The following SERGEF variants were observed in gnomAD, a reference collection of about 807,000 sequenced individuals.
SERGEF encodes the protein secretion-regulating guanine nucleotide exchange factor.
SERGEF carries 51 observed loss-of-function variants against 50.0 expected under a neutral mutation model. The observed-to-expected ratio is 1.02, with a 90% CI of 0.81 to 1.29. SERGEF has a LOEUF of 1.29. Ranked by LOEUF, SERGEF falls within the 50% of genes most tolerant of loss-of-function variation. SERGEF has a pLI of 0.00. For missense variants in SERGEF, 521 were observed against 557.0 expected (o/e 0.94, Z 0.65); for synonymous variants, 205 against 212.4 (o/e 0.97, Z 0.30).
intron 10 of SERGEF, among the ~76,000 whole-genome samples, chr11:17,865,978 T>C (rs1024626474): frequency 2.0e-5 from 3 of 152,242 alleles, no homozygotes; most frequent in Non-Finnish European, 4.4e-5. Context: ...TCATAGTAAA[T>C]GCCGTATACA....
At chr11:17,999,719 T>G in intron 5 of SERGEF, 1 of 349,810 alleles carries the variant, frequency 2.9e-6, no homozygotes, top group South Asian at 2.2e-5. Context: ...CAAGCTCACT[T>G]AAAGCTTTTA....
chr11:17,974,594 C>G (rs144286844), intron 8 of SERGEF, among the ~76,000 whole-genome samples: 2,137 of 152,270 alleles, frequency 0.014, 31 homozygotes, highest in Non-Finnish European at 0.022. Flanking sequence ...CATAAAAGGG[C>G]TCATGTGGGG....
Position 17,815,706 on chromosome 11 carries a change from G to A in SERGEF, c.1049-27293C>T, listed in dbSNP as rs181406735. On this transcript the variant is annotated intron_variant, in intron 10 of 10. Transcript: ENST00000265965. ...TGGGAGGCCGAGGTGGGTGGATCAC[G>A]AGGTCAAGAGATCGAGACCATCCTG... Among the ~76,000 whole-genome samples the A allele has an allele frequency of 1.2e-3, 184 of 151,850 alleles. 1 individual carries two copies. Among genetic ancestry groups the A allele is most frequent in the African/African-American group, 4.3e-3 (180 of 41,392 alleles).
chr11:17,932,042 A>C (rs1455646853), intron 9 of SERGEF, among the ~76,000 whole-genome samples: 1 of 128,384 alleles, frequency 7.8e-6, no homozygotes. Context: ...ATGTATCTTA[A>C]ATATTGGTGT....
chr11:17,891,200 AG>A (rs1339275918), intron 9 of SERGEF, among the ~76,000 whole-genome samples: 1 of 152,226 alleles, frequency 6.6e-6, no homozygotes, highest in Non-Finnish European at 1.5e-5. Context: ...AGAAACACAT[AG>A]GTTATAATTT....
intron 10 of SERGEF, among the ~76,000 whole-genome samples, chr11:17,848,150 A>G (rs938900605): frequency 6.6e-6 from 1 of 152,202 alleles, no homozygotes; most frequent in African/African-American, 2.4e-5. Flanking sequence ...ACCCTAAGGA[A>G]GGCCCAGTCT....
chr11:17,888,478 A>G lies in SERGEF; in HGVS notation c.1012-10234T>C, dbSNP rs1851470841. The stretch of plus-strand genomic sequence containing the variant: ...GAAAGTATTTTGTATATATTGTGGG[A>G]CCATGCAAATGAGGAAATATATGAA... On this transcript the variant is annotated intron_variant, in intron 9 of 10. Transcript: ENST00000265965. This position sits in a 1 kb window ranked among gnomAD's most constrained non-coding sequence, Gnocchi z 4.1. Among the ~76,000 whole-genome samples the G allele has an allele frequency of 1.3e-5, 2 of 152,162 alleles. No individual in the cohort carries two copies.
chr11:18,000,473 A>G, intron 5 of SERGEF, 24 bp downstream of exon 5: 1 of 1,512,814 alleles, frequency 6.6e-7, no homozygotes, highest in Admixed American at 2.2e-5. Flanking sequence ...AATAAAAATA[A>G]AAAAATAAAG....
At chr11:17,922,204 C>T (rs912173974) in intron 9 of SERGEF, among the ~76,000 whole-genome samples, 1 of 152,168 alleles carries the variant, frequency 6.6e-6, no homozygotes, top group Admixed American at 6.5e-5. Context: ...CTCCTGTCTA[C>T]GAAGGACAAA....
At position 17,991,544 on chromosome 11, in the gene SERGEF, A is replaced by G. The variant is rs1159553820; in HGVS notation, c.685+1387T>C. Among the ~76,000 whole-genome samples the G allele has an allele frequency of 6.6e-6, 1 of 152,206 alleles. No homozygotes were observed. ...TCTCTAGTCCTTCTTCTGTAAAAGG[A>G]AGGGAGGAACTGGATACCCACTGGA... On this transcript the variant is annotated intron_variant, in intron 7 of 10. Transcript: ENST00000265965. This position sits in a 1 kb window ranked among gnomAD's most constrained non-coding sequence, Gnocchi z 4.9.
intron 10 of SERGEF, among the ~76,000 whole-genome samples, chr11:17,865,050 T>C (rs569074661): frequency 3.2e-4 from 48 of 152,328 alleles, no homozygotes; most frequent in African/African-American, 1.1e-3. Flanking sequence ...CATAAAAATA[T>C]AGTCATGCTA....
intron 10 of SERGEF, among the ~76,000 whole-genome samples, chr11:17,813,824 A>T (rs995926790): frequency 2.6e-5 from 4 of 152,242 alleles, no homozygotes; most frequent in African/African-American, 4.8e-5. Flanking sequence ...AAAACTCGTT[A>T]TCTGTATATC....
chr11:17,839,948 C>G (rs1379070743), intron 10 of SERGEF, among the ~76,000 whole-genome samples: 1 of 152,214 alleles, frequency 6.6e-6, no homozygotes, highest in East Asian at 1.9e-4. Context: ...ACACATCTGT[C>G]CTTGGCAGAT....
intron 10 of SERGEF, among the ~76,000 whole-genome samples, chr11:17,803,228 G>C (rs954695934): frequency 1.3e-5 from 2 of 152,258 alleles, no homozygotes; most frequent in Non-Finnish European, 2.9e-5. Flanking sequence ...GAGGAAGGGA[G>C]TTATCAGAGC....
chr11:17,993,083 G>A, intron 6 of SERGEF, 90 bp from the exon 7 acceptor site: 1 of 1,043,832 alleles, frequency 9.6e-7, no homozygotes, highest in Non-Finnish European at 1.4e-6. Flanking sequence ...ACCTGGGCGT[G>A]GGAGAGACTC....
intron 9 of SERGEF, among the ~76,000 whole-genome samples, chr11:17,953,291 AC>A (rs1852804972): frequency 6.6e-6 from 1 of 152,142 alleles, no homozygotes; most frequent in Non-Finnish European, 1.5e-5. Flanking sequence ...TGCTTCCCCT[AC>A]CCTAATGCTG....
chr11:17,924,975 C>T (rs1404536726), intron 9 of SERGEF, among the ~76,000 whole-genome samples: 1 of 152,146 alleles, frequency 6.6e-6, no homozygotes, highest in Non-Finnish European at 1.5e-5. Context: ...TACAAACAGG[C>T]CTGGGATCCC....
chr11:17,792,535 G>A (rs1849500433), intron 10 of SERGEF, among the ~76,000 whole-genome samples: 1 of 152,166 alleles, frequency 6.6e-6, no homozygotes. Flanking sequence ...GCTACGCCTG[G>A]GACCGGGGTA....
At chr11:17,889,955 C>T (rs1851501228) in intron 9 of SERGEF, among the ~76,000 whole-genome samples, 1 of 120,938 alleles carries the variant, frequency 8.3e-6, no homozygotes, top group Admixed American at 1.0e-4. Flanking sequence ...TGGGTGCATA[C>T]AAATATAAGA....
Sources: gnomAD v4.1 joint callset for allele counts (sites outside exome capture counted in the v4.1 genomes callset) on GRCh38, gnomAD v4.1.1 for gene constraint, Gnocchi (gnomAD v3.1) non-coding constraint, MANE v1.5 for transcripts, NCBI Gene and HGNC (gene_info 2026-07-23, HGNC 2026-07-21) for gene names.